The following GPC6 variants were observed in gnomAD, a reference collection of about 807,000 sequenced individuals.
GPC6 encodes the protein glypican-6.
A neutral mutation model predicts 55.2 loss-of-function variants in GPC6; 14 were observed. That is an observed-to-expected ratio of 0.25 (90% confidence interval 0.17 to 0.40). GPC6 has a LOEUF of 0.40. Among genes scored for constraint, GPC6 ranks in the 10% least tolerant of loss-of-function variants. The pLI is 1.00. For synonymous variants in GPC6, 278 were observed against 259.6 expected, an observed-to-expected ratio of 1.07 and a Z score of -0.68; for missense variants, 641 against 708.5, an observed-to-expected ratio of 0.90 and a Z score of 1.08.
chr13:93,997,492 A>G (rs937619914), intron 3 of GPC6, among the ~76,000 whole-genome samples: 3 of 152,136 alleles, frequency 2.0e-5, no homozygotes, highest in Admixed American at 6.6e-5. Context: ...CCCTAAGGCT[A>G]TGGTAGAAGA....
intron 3 of GPC6, among the ~76,000 whole-genome samples, chr13:93,833,149 GAGA>G (rs1887593390): frequency 7.9e-6 from 1 of 125,932 alleles, no homozygotes; most frequent in Non-Finnish European, 1.7e-5. Flanking sequence ...GAGAGAGAGA[GAGA>G]GAGAGATGGT....
chr13:94,367,078 C>T (rs894508416), intron 6 of GPC6, among the ~76,000 whole-genome samples: 4 of 152,306 alleles, frequency 2.6e-5, no homozygotes, highest in Middle Eastern at 3.4e-3. Context: ...ATCCCAAGTC[C>T]TCCTTCATTG....
At chr13:93,779,139 A>G (rs1207116316) in intron 2 of GPC6, among the ~76,000 whole-genome samples, 3 of 152,260 alleles carry the variant, frequency 2.0e-5, no homozygotes, top group African/African-American at 7.2e-5. Flanking sequence ...TTTATTATTT[A>G]TATCACTTTC....
At chr13:93,753,782 A>C (rs1355276769) in intron 2 of GPC6, among the ~76,000 whole-genome samples, 2 of 151,064 alleles carry the variant, frequency 1.3e-5, no homozygotes, top group Non-Finnish European at 2.9e-5. Context: ...TCTCTGTCTT[A>C]TTTATTTATT....
intron 1 of GPC6, among the ~76,000 whole-genome samples, chr13:93,280,171 G>T (rs1877901579): frequency 6.6e-6 from 1 of 152,092 alleles, no homozygotes; most frequent in East Asian, 1.9e-4. Flanking sequence ...TTCACATGTG[G>T]GGGGGGCCAG....
At chr13:94,295,797 G>A (rs1875301554) in intron 5 of GPC6, among the ~76,000 whole-genome samples, 1 of 151,860 alleles carries the variant, frequency 6.6e-6, no homozygotes, top group Non-Finnish European at 1.5e-5. Flanking sequence ...AAAAGTGAAT[G>A]GCCATACTAT....
chr13:93,942,989 A>G (rs894591827), intron 3 of GPC6, among the ~76,000 whole-genome samples: 1 of 151,984 alleles, frequency 6.6e-6, no homozygotes, highest in Non-Finnish European at 1.5e-5. Flanking sequence ...AACTCAACTC[A>G]AGCATATGGC....
chr13:94,304,095 A>G (rs913416233), intron 5 of GPC6, among the ~76,000 whole-genome samples: 9 of 152,220 alleles, frequency 5.9e-5, no homozygotes, highest in African/African-American at 2.2e-4. Flanking sequence ...ATCAGCAGCG[A>G]CCTTGCCAGA....
At chr13:93,483,843 A>G (rs1879605531) in intron 1 of GPC6, among the ~76,000 whole-genome samples, 1 of 152,124 alleles carries the variant, frequency 6.6e-6, no homozygotes, top group Admixed American at 6.6e-5. Context: ...ATTAGATCAC[A>G]TTTCTCCCTA....
chr13:93,764,826 G>C (rs893137900), intron 2 of GPC6, among the ~76,000 whole-genome samples: 2 of 152,106 alleles, frequency 1.3e-5, no homozygotes, highest in African/African-American at 4.8e-5. Flanking sequence ...TTTAGACAGA[G>C]TCTTGCTCTC....
chr13:93,990,960 A>AGAAGGAAG lies in GPC6; in HGVS notation c.712-36748_712-36741dup, dbSNP rs148428200. On this transcript the variant is annotated intron_variant, in intron 3 of 8. Coordinates refer to ENST00000377047, the MANE Select transcript of GPC6 (RefSeq NM_005708.5). ...GAGGAGGAAGGAAGGAAGGAAGGAA[A>AGAAGGAAG]GAAGGAAGGAAGGAAGGAAGGAAGG... 2.1e-3 allele frequency among the ~76,000 whole-genome samples: 321 copies of AGAAGGAAG among 150,418 alleles called. 1 individual carries two copies. Among genetic ancestry groups the AGAAGGAAG allele is most frequent in the African/African-American group, 6.9e-3 (282 of 40,682 alleles).
chr13:93,429,172 C>A (rs1205211149), intron 1 of GPC6, among the ~76,000 whole-genome samples: 3 of 152,026 alleles, frequency 2.0e-5, no homozygotes, highest in Non-Finnish European at 4.4e-5. Context: ...AATGAACAAG[C>A]CAAACACTCT....
intron 6 of GPC6, among the ~76,000 whole-genome samples, chr13:94,331,284 A>G (rs1877402892): frequency 1.3e-5 from 2 of 152,182 alleles, no homozygotes; most frequent in African/African-American, 4.8e-5. Flanking sequence ...CTGACAGTAC[A>G]ATAGCAGCAC....
At chr13:93,494,750 G>C (rs200549133) in intron 1 of GPC6, among the ~76,000 whole-genome samples, 41,973 of 147,460 alleles carry the variant, frequency 0.28, 6,398 homozygotes, top group East Asian at 0.63. Flanking sequence ...ATTTGCTTGT[G>C]TGTAAAGTAT....
intron 1 of GPC6, among the ~76,000 whole-genome samples, chr13:93,246,432 C>T (rs1359759542): frequency 6.6e-6 from 1 of 151,850 alleles, no homozygotes; most frequent in Non-Finnish European, 1.5e-5. Context: ...CTTAAGATTG[C>T]AGTGATGTTG....
intron 2 of GPC6, among the ~76,000 whole-genome samples, chr13:93,628,459 G>A (rs1879297710): frequency 1.3e-5 from 2 of 152,200 alleles, no homozygotes; most frequent in Admixed American, 6.5e-5. Context: ...TTTCGAAGGG[G>A]CTATCAGTGA....
intron 1 of GPC6, among the ~76,000 whole-genome samples, chr13:93,436,166 A>G (rs2139281723): frequency 6.6e-6 from 1 of 152,286 alleles, no homozygotes; most frequent in African/African-American, 2.4e-5. Context: ...TGGAGGCCCT[A>G]AGCCCCAATG....
intron 2 of GPC6, among the ~76,000 whole-genome samples, chr13:93,571,263 A>G (rs1876393920): frequency 6.6e-6 from 1 of 152,156 alleles, no homozygotes. Flanking sequence ...ACGTGTGCAC[A>G]TACATACATG....
At chr13:94,112,928 C>T (rs1235182763) in intron 4 of GPC6, among the ~76,000 whole-genome samples, 1 of 152,028 alleles carries the variant, frequency 6.6e-6, no homozygotes, top group Non-Finnish European at 1.5e-5. Context: ...TCTGCTAGCT[C>T]CTCCTGGCTG....
Sources: allele counts gnomAD v4.1 joint callset (sites outside exome capture counted in the v4.1 genomes callset), GRCh38; gene constraint gnomAD v4.1.1; transcripts MANE v1.5; gene names NCBI Gene and HGNC (gene_info 2026-07-23, HGNC 2026-07-21).